Variants in SMAP2 observed in about 807,000 individuals in gnomAD.
SMAP2 encodes the protein small ArfGAP2.
SMAP2 carries 25 observed loss-of-function variants against 56.4 expected under a neutral mutation model. The observed-to-expected ratio is 0.44, with a 90% CI of 0.32 to 0.62. The LOEUF (loss-of-function observed/expected upper bound fraction) is 0.62. SMAP2 is among the 20% of genes least tolerant of loss of function. SMAP2 has a pLI of 0.04. For synonymous variants in SMAP2, 157 were observed against 181.7 expected (o/e 0.86, Z 1.09); for missense variants, 388 against 545.6 (o/e 0.71, Z 2.88).
chr1:40,344,940 CTTCTT>C (rs1644379188), intron 1 of SMAP2: 1 of 150,658 alleles, frequency 6.6e-6, no homozygotes, highest in Admixed American at 6.7e-5. Context: ...TCTTTCTTTC[CTTCTT>C]TTCTTTTTTT....
rs1023416035 is a variant in SMAP2 at position 40,373,851 on chromosome 1, C to G, written c.-270C>G. ...CCAGGAGGCTCGTGGTCCGCCTTTG[C>G]CTGGGCTGAGGGTCTCTGGCCCCGC... On this transcript the variant is annotated 5_prime_UTR_variant, in exon 1 of 10. Transcript: ENST00000372718. 6.3e-5 allele frequency: 21 copies of G among 332,390 alleles called. No homozygotes were observed. The highest frequency in any genetic ancestry group is 1.1e-4 in the Non-Finnish European group (19 of 179,360). 20.6% of individuals were successfully genotyped at this position (332,390 alleles called of 1,614,324 possible). A position where few individuals can be genotyped will look rare whatever the true frequency, so the allele number is the denominator to read the frequency against.
At chr1:40,416,061 C>T (rs894307681) in intron 7 of SMAP2, 115 bp from the exon 8 acceptor site, 3 of 979,356 alleles carry the variant, frequency 3.1e-6, no homozygotes, top group African/African-American at 3.3e-5. Context: ...AAGCTATTAA[C>T]TTGAGCCATG....
Position 40,374,531 on chromosome 1 carries a change from G to T in SMAP2, c.103+308G>T. ...GAATGAGTTCTGGGCCGGCTGTCCA[G>T]AGAGAGCTCCCAGCATGTCACTTGC... On this transcript the variant is annotated intron_variant, in intron 1 of 9. Transcript: ENST00000372718. This position sits in a 1 kb window ranked among gnomAD's most constrained non-coding sequence, Gnocchi z 5.9. 1.1e-6 allele frequency: 1 copy of T among 931,866 alleles called. No individual in the cohort carries two copies. Among genetic ancestry groups the T allele is most frequent in the South Asian group, 1.5e-5 (1 of 65,444 alleles). 57.7% of individuals were successfully genotyped at this position (931,866 alleles called of 1,614,324 possible). A position where few individuals can be genotyped will look rare whatever the true frequency, so the allele number is the denominator to read the frequency against.
At chr1:40,418,615 C>T (rs184271802) in intron 9 of SMAP2, among the ~76,000 whole-genome samples, 18 of 152,282 alleles carry the variant, frequency 1.2e-4, no homozygotes, top group Admixed American at 5.2e-4. Context: ...CTTTAAAGAA[C>T]ATTCAAAATG....
At chr1:40,410,946 A>C (rs987340257) in intron 4 of SMAP2, among the ~76,000 whole-genome samples, 1 of 152,218 alleles carries the variant, frequency 6.6e-6, no homozygotes, top group Non-Finnish European at 1.5e-5. Context: ...CGCAGGTCCT[A>C]CCTATCTATC....
At chr1:40,388,243 A>G (rs1304140933) in intron 1 of SMAP2, among the ~76,000 whole-genome samples, 2 of 152,234 alleles carry the variant, frequency 1.3e-5, no homozygotes, top group African/African-American at 4.8e-5. Context: ...GTGGGCGCAC[A>G]GCGCGGGACT....
At chr1:40,415,511 C>A (rs147837236) in intron 7 of SMAP2, 130 bp downstream of exon 7, 39 of 704,438 alleles carry the variant, frequency 5.5e-5, no homozygotes, top group Middle Eastern at 2.7e-4. Flanking sequence ...TCATTCTTCC[C>A]TTAACATTGT....
chr1:40,414,097 G>T, intron 5 of SMAP2, 62 bp from the exon 6 acceptor site: 1 of 1,467,438 alleles, frequency 6.8e-7, no homozygotes. Flanking sequence ...CTTTACAGTG[G>T]AGATGGGAAA....
At chr1:40,420,470 T>C (rs938643118) in intron 9 of SMAP2, among the ~76,000 whole-genome samples, 4 of 152,188 alleles carry the variant, frequency 2.6e-5, no homozygotes, top group African/African-American at 7.2e-5. Context: ...CGGTGATATT[T>C]TTTAAAAACC....
rs755569819 is a variant in SMAP2 at position 40,406,727 on chromosome 1, C to G, written c.104-9C>G. On this transcript the variant is annotated splice_polypyrimidine_tract_variant and intron_variant, in intron 1 of 9. Transcript: ENST00000372718. ...TTGTACTTTATTGCCCTGTTCCTGA[C>G]TTTCACAGGGCCGCGATGGGCCTCT... The G allele has an allele frequency of 3.7e-6, 6 of 1,610,732 alleles. No individual in the cohort carries two copies. Among genetic ancestry groups the G allele is most frequent in the Non-Finnish European group, 5.1e-6 (6 of 1,177,740 alleles).
intron 1 of SMAP2, among the ~76,000 whole-genome samples, chr1:40,378,882 T>C (rs1644567496): frequency 6.6e-6 from 1 of 152,176 alleles, no homozygotes; most frequent in Non-Finnish European, 1.5e-5. Context: ...CAAAGGGGAA[T>C]ATGTACGGTA....
At chr1:40,405,568 G>A (rs956032445) in intron 1 of SMAP2, among the ~76,000 whole-genome samples, 22 of 152,188 alleles carry the variant, frequency 1.4e-4, no homozygotes, top group East Asian at 3.8e-4. Flanking sequence ...TCTTGTGCTC[G>A]TTGTCGTTCC....
intron 1 of SMAP2, among the ~76,000 whole-genome samples, chr1:40,352,839 T>A (rs1644414663): frequency 6.6e-6 from 1 of 152,154 alleles, no homozygotes. Context: ...CTCCTCCTCA[T>A]TTTTGATGGG....
Position 40,408,717 on chromosome 1 carries a change from T to G in SMAP2, c.302T>G (p.Phe101Cys), listed in dbSNP as rs771241569. ...RLYEAYLPET[F>C]RRPQIDPAVE... is the part of the protein sequence containing the mutation. The stretch of plus-strand genomic sequence containing the variant: ...TATGAAGCCTATCTTCCTGAGACCT[T>G]TCGGCGACCTCAGATAGACCCGTAT... Residue 101 changes from phenylalanine to cysteine, a missense_variant, in exon 3 of 10, where the codon TTT becomes TGT. Phe to Cys is a radical substitution (Grantham distance 205). Coordinates refer to ENST00000372718, the MANE Select transcript of SMAP2 (RefSeq NM_022733.3). The surrounding 1 kb of genome is among the most constrained non-coding windows in gnomAD (Gnocchi z 4.3). 3.1e-6 allele frequency: 5 copies of G among 1,613,928 alleles called. No homozygotes were observed. Among genetic ancestry groups the G allele is most frequent in the Non-Finnish European group, 4.2e-6 (5 of 1,179,844 alleles).
At chr1:40,358,543 C>G (rs888273093) in intron 1 of SMAP2, among the ~76,000 whole-genome samples, 9 of 151,916 alleles carry the variant, frequency 5.9e-5, no homozygotes, top group Admixed American at 3.3e-4. Flanking sequence ...GATTCCATCT[C>G]AAAACAAAAC....
Position 40,413,049 on chromosome 1 carries a change from G to A in SMAP2, c.436G>A (p.Glu146Lys), listed in dbSNP as rs753480472. 1.1e-5 allele frequency: 17 copies of A among 1,613,458 alleles called. No homozygotes were observed. The African/African-American group carries it at 1.1e-4, about 10-fold the overall frequency. Residue 146 changes from glutamate (E) to lysine (K), a missense_variant, in exon 5 of 10, where the codon GAA becomes AAA. Coordinates refer to ENST00000372718, the MANE Select transcript of SMAP2 (RefSeq NM_022733.3). ...EKDDKWKRGSEPVPEKKLEPV... is the reference protein window; with the variant it reads ...EKDDKWKRGSKPVPEKKLEPV... ...AGATGACAAGTGGAAAAGAGGGAGC[G>A]AACCAGTTCCAGAAAAAAAATTGGA...
At chr1:40,398,341 C>CT (rs556370302) in intron 1 of SMAP2, among the ~76,000 whole-genome samples, 1 of 25,592 alleles carries the variant, frequency 3.9e-5, no homozygotes, top group East Asian at 3.1e-3. Context: ...GCAGTACTCC[C>CT]GCTCAGCCTC....
rs571796255 is a variant in SMAP2, at chr1:40,349,304, C to A, written c.-83+4394C>A. On this transcript the variant is annotated intron_variant, in intron 1 of 6. Coordinates refer to the SMAP2 transcript ENST00000435168. ...TAACGAAGGTACCCCCTGTTGAGCA[C>A]GTACAGTATCCCAGGTACTTCTCAG... Among the ~76,000 whole-genome samples the A allele has an allele frequency of 7.9e-5, 12 of 152,224 alleles. 1 individual carries two copies. The South Asian group carries it at 2.1e-3, about 26-fold the overall frequency.
chr1:40,413,042 A>G lies in SMAP2; in HGVS notation c.429A>G (p.Arg143=). The stretch of plus-strand genomic sequence containing the variant: ...AAGAAAAAGATGACAAGTGGAAAAG[A>G]GGGAGCGAACCAGTTCCAGAAAAAA... ...FRKEKDDKWK[R]GSEPVPEKKL... is the part of the protein sequence containing the mutation. Residue 143 remains arginine (R), a synonymous_variant, in exon 5 of 10, where the codon AGA becomes AGG. Transcript: ENST00000372718. 1 of 1,612,832 alleles carries G rather than the reference A, an allele frequency of 6.2e-7. No homozygotes were observed. The highest frequency in any genetic ancestry group is 1.1e-5 in the South Asian group (1 of 90,908).
Sources: gnomAD v4.1 joint callset for allele counts (sites outside exome capture counted in the v4.1 genomes callset) on GRCh38, gnomAD v4.1.1 for gene constraint, Gnocchi (gnomAD v3.1) non-coding constraint, MANE v1.5 for transcripts, NCBI Gene and HGNC (gene_info 2026-07-23, HGNC 2026-07-21) for gene names.